The following MYCBP2 variants were observed in gnomAD, a reference collection of about 807,000 sequenced individuals.
The protein encoded by MYCBP2 is MYC binding protein 2.
A neutral mutation model predicts 525.3 loss-of-function variants in MYCBP2; 120 were observed. That is an observed-to-expected ratio of 0.23 (90% CI 0.20 to 0.27). MYCBP2 has a LOEUF of 0.27. MYCBP2 is among the 10% of genes least tolerant of loss of function. MYCBP2 has a pLI of 1.00. For synonymous variants in MYCBP2, 1,894 were observed against 1,955.8 expected (o/e 0.97, Z 0.83); for missense variants, 4,149 against 5,657.1 (o/e 0.73, Z 8.55).
In MYCBP2 at chr13:77,165,316, T is replaced by C; in HGVS notation, c.6416A>G (p.Lys2139Arg). Residue 2139 changes from lysine to arginine, a missense_variant, in exon 42 of 83, where the codon AAG (lysine) becomes AGG (arginine). By Grantham distance (26) the Lys-to-Arg change is conservative. This residue lies in a region of MYCBP2 where 692 missense variants were observed against 852.7 expected (regional missense o/e 0.81). Transcript: ENST00000544440. ...AAATTCATATCCAATTGCAAAACAC[T>C]TAAAACCATAGAAAGAAGCTTTGTC... ...KDDKASFYGFKCFAIGYEFSP... is the reference protein window; with the variant it reads ...KDDKASFYGFRCFAIGYEFSP... 6.2e-7 allele frequency: 1 copy of C among 1,612,778 alleles called. No homozygotes were observed. Among genetic ancestry groups the C allele is most frequent in the Non-Finnish European group, 8.5e-7 (1 of 1,179,540 alleles).
intron 2 of MYCBP2, among the ~76,000 whole-genome samples, chr13:77,288,672 C>T (rs1334997130): frequency 1.3e-5 from 2 of 152,140 alleles, no homozygotes; most frequent in Non-Finnish European, 2.9e-5. Flanking sequence ...AAGCTTAACT[C>T]TTAGAGTTCT....
intron 18 of MYCBP2, among the ~76,000 whole-genome samples, chr13:77,226,444 A>G (rs1299327745): frequency 5.3e-5 from 8 of 152,198 alleles, no homozygotes; most frequent in Admixed American, 1.3e-4. Context: ...TCACTAACAT[A>G]TGACCTTTAT....
At chr13:77,246,524 G>A (rs1594297488) in intron 15 of MYCBP2, among the ~76,000 whole-genome samples, 1 of 150,562 alleles carries the variant, frequency 6.6e-6, no homozygotes, top group Non-Finnish European at 1.5e-5. Context: ...GGAGGAGAAG[G>A]AGGAAAAGAA....
At chr13:77,211,413 G>A in intron 22 of MYCBP2, 93 bp from the exon 23 acceptor site, 1 of 612,456 alleles carries the variant, frequency 1.6e-6, no homozygotes, top group Non-Finnish European at 2.3e-6. Flanking sequence ...CATTTCTCAG[G>A]TGAATAAGCA....
chr13:77,225,883 T>C (rs1184471622), intron 18 of MYCBP2, among the ~76,000 whole-genome samples: 2 of 152,222 alleles, frequency 1.3e-5, no homozygotes, highest in African/African-American at 4.8e-5. Context: ...TGGGAAAATT[T>C]AGTTTCCATA....
chr13:77,093,197 C>T lies in MYCBP2; in HGVS notation c.10335G>A (p.Glu3445=). The T allele has an allele frequency of 6.2e-7, 1 of 1,612,428 alleles. No homozygotes were observed. Among genetic ancestry groups the T allele is most frequent in the Non-Finnish European group, 8.5e-7 (1 of 1,179,154 alleles). The change falls in exon 59 of 83, where the codon GAG becomes GAA. Residue 3445 remains glutamate, a synonymous_variant. Transcript: ENST00000544440. ...GCATAGACTTCATATTGCTCTCTGG[C>T]TCTTCAAATACATTAGGACTTGCAT... ...TPDASPNVFE[E]PESNMKSMPP...
At chr13:77,177,030 G>A (rs1595154566) in intron 35 of MYCBP2, among the ~76,000 whole-genome samples, 1 of 151,676 alleles carries the variant, frequency 6.6e-6, no homozygotes, top group South Asian at 2.1e-4. Context: ...TTTAATTTTA[G>A]AGAATATAGA....
At chr13:77,182,640 G>A (rs2060316393) in intron 32 of MYCBP2, among the ~76,000 whole-genome samples, 1 of 152,186 alleles carries the variant, frequency 6.6e-6, no homozygotes, top group Admixed American at 6.5e-5. Context: ...GAGTAATTAA[G>A]TTGTGCACTA....
intron 26 of MYCBP2, among the ~76,000 whole-genome samples, chr13:77,196,465 G>A (rs2061760819): frequency 6.6e-6 from 1 of 152,210 alleles, no homozygotes; most frequent in Non-Finnish European, 1.5e-5. Context: ...CAAGTTGGGA[G>A]GCTACTGTAA....
At chr13:77,065,405 C>T (rs1030728203) in intron 72 of MYCBP2, among the ~76,000 whole-genome samples, 1 of 152,160 alleles carries the variant, frequency 6.6e-6, no homozygotes, top group Non-Finnish European at 1.5e-5. Flanking sequence ...CTCCAAGCTG[C>T]CTTCTATTCC....
At chr13:77,278,218 G>GT in intron 4 of MYCBP2, among the ~76,000 whole-genome samples, 1 of 152,262 alleles carries the variant, frequency 6.6e-6, no homozygotes, top group Middle Eastern at 3.4e-3. Flanking sequence ...ACTATTGAGA[G>GT]TAACAAGTTA....
rs374925672 is a variant in MYCBP2, at chr13:77,289,733, G to C, written c.379-1357C>G. 6.6e-5 allele frequency among the ~76,000 whole-genome samples: 10 copies of C among 152,118 alleles called. No homozygotes were observed. The East Asian group carries it at 1.2e-3, about 18-fold the overall frequency. On this transcript the variant is annotated intron_variant, in intron 2 of 82. Coordinates refer to ENST00000544440, the MANE Select transcript of MYCBP2 (RefSeq NM_015057.5). ...CTATCCAGCCAAGGGAAAAAGGCAA[G>C]AAGTATTTTCTAAAAAAGAAATGTT...
intron 23 of MYCBP2, among the ~76,000 whole-genome samples, chr13:77,210,435 G>A (rs996687890): frequency 4.6e-5 from 7 of 151,982 alleles, no homozygotes; most frequent in Non-Finnish European, 8.8e-5. Context: ...CTCGTGATCT[G>A]CCCGCCTTGG....
At chr13:77,086,245 A>T (rs1057025392) in intron 62 of MYCBP2, among the ~76,000 whole-genome samples, 3 of 152,146 alleles carry the variant, frequency 2.0e-5, no homozygotes, top group Non-Finnish European at 4.4e-5. Flanking sequence ...AGCACGTTGA[A>T]AAAAACCAAC....
chr13:77,172,205 AT>A lies in MYCBP2; in HGVS notation c.5652-572del, dbSNP rs1011395491. 4.4e-3 allele frequency among the ~76,000 whole-genome samples: 632 copies of A among 145,028 alleles called. 2 individuals carry two copies. Among genetic ancestry groups the A allele is most frequent in the Middle Eastern group, 3.6e-3 (1 of 274 alleles). The stretch of plus-strand genomic sequence containing the variant: ...TGAGCCGCGCACCCAGCTGACCTGA[AT>A]TTTTTTTTTTTTTTAAAGACCCACG... On this transcript the variant is annotated intron_variant, in intron 37 of 82. Transcript: ENST00000544440.
chr13:77,309,695 A>G (rs1031212048), intron 1 of MYCBP2, among the ~76,000 whole-genome samples: 3 of 152,222 alleles, frequency 2.0e-5, no homozygotes, highest in Admixed American at 6.5e-5. Flanking sequence ...TGTCAGAGTT[A>G]CTGCAACTGT....
Position 77,044,682 on chromosome 13 carries a change from T to C in MYCBP2, c.*696A>G, listed in dbSNP as rs1319300574. 5.0e-6 allele frequency: 2 copies of C among 398,574 alleles called. No individual in the cohort carries two copies. The highest frequency in any genetic ancestry group is 4.1e-5 in the African/African-American group (2 of 48,624). 24.7% of individuals were successfully genotyped at this position (398,574 alleles called of 1,614,324 possible). A position where few individuals can be genotyped will look rare whatever the true frequency, so the allele number is the denominator to read the frequency against. On this transcript the variant is annotated 3_prime_UTR_variant, in exon 83 of 83. Transcript: ENST00000544440. ...TAGACTTTATCACTGTATAAAAATG[T>C]ACAGTGGTTTTATTGACATGTACAT...
rs761944558 is a variant in MYCBP2 at position 77,098,222 on chromosome 13, C to T, written c.8932G>A (p.Asp2978Asn). The T allele has an allele frequency of 3.1e-6, 5 of 1,613,544 alleles. No homozygotes were observed. Among genetic ancestry groups the T allele is most frequent in the Non-Finnish European group, 8.5e-7 (1 of 1,179,768 alleles). The change falls in exon 56 of 83, where the codon GAT becomes AAT. Residue 2978 changes from aspartate (D) to asparagine (N), a missense_variant. This residue lies in a region of MYCBP2 where 653 missense variants were observed against 744.7 expected (regional missense o/e 0.88). Transcript: ENST00000544440. ...GGAGATGCTCTCATTTCCTGTTCAT[C>T]TTTCAGTGGTGCTTTTCCAATGCTA... ...HFSIGKAPLK[D>N]EQEMRASPKI...
At chr13:77,250,977 A>G (rs2071107710) in intron 15 of MYCBP2, among the ~76,000 whole-genome samples, 174 bp downstream of exon 15, 1 of 152,254 alleles carries the variant, frequency 6.6e-6, no homozygotes, top group South Asian at 2.1e-4. Flanking sequence ...ATAAATTATT[A>G]TAACAGAAAA....
Sources: allele counts gnomAD v4.1 joint callset (sites outside exome capture counted in the v4.1 genomes callset), GRCh38; gene constraint gnomAD v4.1.1; regional missense constraint gnomAD v4.1.1; transcripts MANE v1.5; gene names NCBI Gene and HGNC (gene_info 2026-07-23, HGNC 2026-07-21).